ATP2C2: variants seen among roughly 807,000 people sequenced by gnomAD.
ATP2C2 encodes calcium-transporting ATPase type 2C member 2.
A neutral mutation model predicts 110.8 loss-of-function variants in ATP2C2; 171 were observed. That is an observed-to-expected ratio of 1.54 (90% confidence interval 1.36 to 1.75). The LOEUF is 1.75. ATP2C2 is among the 40% of genes most tolerant of loss of function. The pLI, the probability that ATP2C2 is intolerant of heterozygous loss-of-function variation, is 0.00. For missense variants in ATP2C2, 1,963 were observed against 1,235.0 expected (o/e 1.59, Z -8.84); for synonymous variants, 804 against 508.4 (o/e 1.58, Z -7.82).
rs1420633547 is a variant in ATP2C2, at chr16:84,459,350, G to C, written c.2297G>C (p.Trp766Ser). ...CCCCTCAACGCCATGCAGATCCTAT[G>C]GATCAACATCATCATGGATGGGCCA... ...PSPLNAMQIL[W>S]INIIMDGPPA... Residue 766 changes from tryptophan to serine, a missense_variant, in exon 23 of 27, where the codon TGG becomes TCG. Physicochemically the swap from Trp to Ser is radical, Grantham distance 177 (BLOSUM62 -3). Coordinates refer to ENST00000262429, the MANE Select transcript of ATP2C2 (RefSeq NM_014861.4). 6.2e-7 allele frequency: 1 copy of C among 1,614,198 alleles called. No homozygotes were observed. The highest frequency in any genetic ancestry group is 1.1e-5 in the South Asian group (1 of 91,088).
chr16:84,444,710 AGAG>A (rs1909587264), intron 15 of ATP2C2, among the ~76,000 whole-genome samples: 2 of 152,100 alleles, frequency 1.3e-5, no homozygotes, highest in Admixed American at 1.3e-4. Context: ...TGCAGCCTAG[AGAG>A]GAGAGAGGTT....
Position 84,463,757 on chromosome 16 carries a change from C to T in ATP2C2, c.*25C>T, listed in dbSNP as rs780247021. On this transcript the variant is annotated 3_prime_UTR_variant, in exon 27 of 27. Transcript: ENST00000262429. ...GTGGACCGCACTCCGCGGCACCTTCCCTAATCATCTCGATCTGGTTGTGAC... is the reference window on the plus strand; with the variant it reads ...GTGGACCGCACTCCGCGGCACCTTCTCTAATCATCTCGATCTGGTTGTGAC... 4 of 1,575,918 alleles carry T rather than the reference C, an allele frequency of 2.5e-6. No individual in the cohort carries two copies. Among genetic ancestry groups the T allele is most frequent in the Non-Finnish European group, 2.6e-6 (3 of 1,145,302 alleles).
At chr16:84,374,152 C>T (rs11648651) in intron 1 of ATP2C2, among the ~76,000 whole-genome samples, 115,471 of 152,172 alleles carry the variant, frequency 0.76, 43,887 homozygotes, top group Admixed American at 0.82. Context: ...CCAGCTGCTA[C>T]GTACAAAGAC....
At chr16:84,416,710 G>T (rs1906864801) in intron 7 of ATP2C2, among the ~76,000 whole-genome samples, 1 of 152,162 alleles carries the variant, frequency 6.6e-6, no homozygotes, top group Non-Finnish European at 1.5e-5. Context: ...TCGCCCTCGG[G>T]CTCAGGCTGG....
At position 84,442,513 on chromosome 16, in the gene ATP2C2, G is replaced by A; in HGVS notation, c.1315G>A (p.Gly439Ser). ...NVSVGKLVEA[G>S]CVANNAVIRK... ...TGTCCGGACAATCCCCTTTTAGGCG[G>A]GCTGTGTTGCCAACAATGCGGTCAT... Residue 439 changes from glycine to serine, a missense_variant, in exon 15 of 27, where the codon GGC becomes AGC. By Grantham distance (56) the Gly-to-Ser change is moderately conservative. Coordinates refer to ENST00000262429, the MANE Select transcript of ATP2C2 (RefSeq NM_014861.4). The A allele has an allele frequency of 3.1e-6, 5 of 1,614,026 alleles. No individual in the cohort carries two copies. In the South Asian group the frequency reaches 4.4e-5, roughly 14 times the overall value.
intron 15 of ATP2C2, among the ~76,000 whole-genome samples, chr16:84,445,258 G>C (rs1203644866): frequency 6.6e-5 from 10 of 151,396 alleles, no homozygotes; most frequent in Admixed American, 1.3e-4. Flanking sequence ...GCCCAGGCTG[G>C]AGTGCACTGG....
intron 7 of ATP2C2, among the ~76,000 whole-genome samples, chr16:84,420,831 A>T (rs745486143): frequency 2.0e-5 from 3 of 152,004 alleles, no homozygotes; most frequent in Non-Finnish European, 4.4e-5. Flanking sequence ...TTTTGAGCAG[A>T]GTCTCTCTCT....
intron 20 of ATP2C2, 125 bp downstream of exon 20, chr16:84,453,496 C>T: frequency 7.7e-7 from 1 of 1,299,748 alleles, no homozygotes; most frequent in Non-Finnish European, 1.1e-6. Context: ...TTCTCTAGGT[C>T]CAGGGCAGCT....
At chr16:84,453,401 G>A (rs780470301) in intron 20 of ATP2C2, 30 bp downstream of exon 20, 49 of 1,613,256 alleles carry the variant, frequency 3.0e-5, no homozygotes, top group African/African-American at 1.9e-4. Flanking sequence ...CACAGGCTGC[G>A]CTGCTGGGGC....
At chr16:84,368,977 G>A (rs908354444) in intron 1 of ATP2C2, among the ~76,000 whole-genome samples, 6 of 152,248 alleles carry the variant, frequency 3.9e-5, no homozygotes, top group African/African-American at 1.4e-4. Context: ...TCCCTAAGGG[G>A]CACGGAGCTA....
chr16:84,422,246 A>C (rs1020431902), intron 7 of ATP2C2, 144 bp from the exon 8 acceptor site: 4 of 919,852 alleles, frequency 4.3e-6, no homozygotes, highest in Non-Finnish European at 4.8e-6. Flanking sequence ...GAGGCCTCAG[A>C]GGCCGTCGTT....
At chr16:84,446,247 A>G in intron 15 of ATP2C2, 82 bp from the exon 16 acceptor site, 1 of 760,252 alleles carries the variant, frequency 1.3e-6, no homozygotes, top group Non-Finnish European at 2.0e-6. Flanking sequence ...GGTTTGAACA[A>G]TGAATAATTT....
At chr16:84,379,416 G>A (rs987242893) in intron 1 of ATP2C2, among the ~76,000 whole-genome samples, 4 of 152,252 alleles carry the variant, frequency 2.6e-5, no homozygotes, top group South Asian at 2.1e-4. Context: ...TCTGTCCACC[G>A]CGGTCTCCCA....
At chr16:84,374,822 A>G (rs1910158576) in intron 1 of ATP2C2, among the ~76,000 whole-genome samples, 1 of 152,224 alleles carries the variant, frequency 6.6e-6, no homozygotes, top group Admixed American at 6.5e-5. Flanking sequence ...TCGGGGACAA[A>G]GAAATACAGT....
chr16:84,390,230 G>A (rs1010870719), intron 1 of ATP2C2, among the ~76,000 whole-genome samples: 10 of 152,200 alleles, frequency 6.6e-5, no homozygotes, highest in Admixed American at 2.0e-4. Flanking sequence ...GGGGCTGGAC[G>A]GGAGGGCGCC....
At chr16:84,429,094 G>A (rs1418682109) in intron 11 of ATP2C2, among the ~76,000 whole-genome samples, 1 of 152,014 alleles carries the variant, frequency 6.6e-6, no homozygotes, top group Non-Finnish European at 1.5e-5. Flanking sequence ...AGTGAATTGG[G>A]GCTTTCTGGC....
At chr16:84,455,332 A>G (rs1392066340) in intron 21 of ATP2C2, among the ~76,000 whole-genome samples, 1 of 152,162 alleles carries the variant, frequency 6.6e-6, no homozygotes, top group Non-Finnish European at 1.5e-5. Context: ...ATATGTAAGG[A>G]AAACCTGTGG....
At chr16:84,406,567 T>TCC in intron 3 of ATP2C2, 1 of 985,016 alleles carries the variant, frequency 1.0e-6, no homozygotes, top group South Asian at 4.7e-5. Context: ...CTCCTTGAGG[T>TCC]CCCCTCCCTG....
intron 23 of ATP2C2, 65 bp downstream of exon 23, chr16:84,459,451 T>A: frequency 6.2e-7 from 1 of 1,603,006 alleles, no homozygotes; most frequent in African/African-American, 1.3e-5. Context: ...CTCCAGGGGC[T>A]GCTGGCTGTG....
Sources: gnomAD v4.1 joint callset for allele counts (sites outside exome capture counted in the v4.1 genomes callset) on GRCh38, gnomAD v4.1.1 for gene constraint, MANE v1.5 for transcripts, NCBI Gene and HGNC (gene_info 2026-07-23, HGNC 2026-07-21) for gene names.